Variants in SLC9A2 observed in about 807,000 individuals in gnomAD.
SLC9A2 encodes solute carrier family 9 member A2.
In SLC9A2, 42 loss-of-function variants were observed where a neutral mutation model predicts 71.7. The ratio of observed to expected loss-of-function variants is 0.59; its 90% CI spans 0.46 to 0.76. The LOEUF is 0.76. SLC9A2 is among the 30% of genes least tolerant of loss of function. The pLI, the probability that SLC9A2 is intolerant of heterozygous loss-of-function variation, is 0.00. For synonymous variants in SLC9A2, 396 were observed against 392.5 expected, an observed-to-expected ratio of 1.01 and a Z score of -0.10; for missense variants, 829 against 1,017.4, an observed-to-expected ratio of 0.81 and a Z score of 2.52.
At chr2:102,685,299 G>A (rs575884050) in intron 5 of SLC9A2, among the ~76,000 whole-genome samples, 28 of 152,284 alleles carry the variant, frequency 1.8e-4, no homozygotes, top group African/African-American at 4.1e-4. Flanking sequence ...AGAATGAGGC[G>A]AAGCAGGGTC....
chr2:102,682,812 AT>A (rs1158054103), intron 3 of SLC9A2, among the ~76,000 whole-genome samples: 1 of 152,226 alleles, frequency 6.6e-6, no homozygotes, highest in Non-Finnish European at 1.5e-5. Context: ...GAGAAGTCTA[AT>A]GCAAGCCCAT....
In SLC9A2 at chr2:102,684,977, C is replaced by T. The variant is rs544891904; in HGVS notation, c.1425+641C>T. ...TTACATTTCAGAGGGGTTGGTAGCA[C>T]TAAACAAGAAACACAAGTAAATCAT... On this transcript the variant is annotated intron_variant, in intron 5 of 11. Coordinates refer to ENST00000233969, the MANE Select transcript of SLC9A2 (RefSeq NM_003048.6). Among the ~76,000 whole-genome samples the T allele has an allele frequency of 2.0e-5, 3 of 152,110 alleles. No homozygotes were observed. In the South Asian group the frequency reaches 6.2e-4, roughly 32 times the overall value.
chr2:102,685,127 C>T (rs759834305), intron 5 of SLC9A2, among the ~76,000 whole-genome samples: 10 of 152,102 alleles, frequency 6.6e-5, no homozygotes, highest in Admixed American at 6.5e-4. Context: ...AAGGGAACAG[C>T]GAGAAAAATG....
chr2:102,675,100 C>T (rs926812538), intron 3 of SLC9A2, among the ~76,000 whole-genome samples: 3 of 152,130 alleles, frequency 2.0e-5, no homozygotes, highest in Admixed American at 1.3e-4. Flanking sequence ...AAGAAGGCAG[C>T]GAACTTAAAC....
intron 3 of SLC9A2, among the ~76,000 whole-genome samples, chr2:102,679,264 T>G (rs2104536319): frequency 6.6e-6 from 1 of 152,322 alleles, no homozygotes; most frequent in East Asian, 1.9e-4. Context: ...GGTGTCTGGC[T>G]ACTGTAAGCA....
chr2:102,659,998 C>T (rs1427591265), intron 2 of SLC9A2, among the ~76,000 whole-genome samples: 1 of 152,194 alleles, frequency 6.6e-6, no homozygotes, highest in Admixed American at 6.5e-5. Context: ...GGCCTCCACA[C>T]TGCTTTCCCA....
chr2:102,708,629 G>A lies in SLC9A2; in HGVS notation c.*140G>A. ...CTGGAGGGCGACAGATTCATGCCAC[G>A]GATAAATGAGGCAAATCCGAAGAAA... is the stretch of plus-strand genomic sequence containing the variant. On this transcript the variant is annotated 3_prime_UTR_variant, in exon 12 of 12. Transcript: ENST00000233969. 2 of 948,602 alleles carry A rather than the reference G, an allele frequency of 2.1e-6. No homozygotes were observed. The highest frequency in any genetic ancestry group is 3.1e-6 in the Non-Finnish European group (2 of 646,634). The allele number at this position is 948,602 out of a possible 1,614,324, so 58.8% of individuals were successfully genotyped here. A position where few individuals can be genotyped will look rare whatever the true frequency, so the allele number is the denominator to read the frequency against.
intron 3 of SLC9A2, among the ~76,000 whole-genome samples, chr2:102,666,499 T>C (rs1366496837): frequency 1.3e-5 from 2 of 152,088 alleles, no homozygotes; most frequent in Non-Finnish European, 2.9e-5. Flanking sequence ...GCCCAGCCGG[T>C]TTAGCTTTTT....
At chr2:102,628,082 A>G (rs916369625) in intron 1 of SLC9A2, among the ~76,000 whole-genome samples, 7 of 152,134 alleles carry the variant, frequency 4.6e-5, no homozygotes, top group African/African-American at 1.7e-4. Flanking sequence ...TGTTTTCATT[A>G]AATTCAAATC....
intron 1 of SLC9A2, among the ~76,000 whole-genome samples, chr2:102,629,049 C>T (rs1676308390): frequency 6.6e-6 from 1 of 152,096 alleles, no homozygotes; most frequent in Admixed American, 6.6e-5. Context: ...CATATGCAGA[C>T]ACATAGAGAC....
At chr2:102,650,424 T>C (rs1676809880) in intron 1 of SLC9A2, among the ~76,000 whole-genome samples, 1 of 152,182 alleles carries the variant, frequency 6.6e-6, no homozygotes, top group South Asian at 2.1e-4. Context: ...CAAACCACAA[T>C]GGTACATGTA....
At chr2:102,666,340 C>A (rs6712816) in intron 3 of SLC9A2, among the ~76,000 whole-genome samples, 1 of 151,782 alleles carries the variant, frequency 6.6e-6, no homozygotes, top group Admixed American at 6.6e-5. Flanking sequence ...GGACTGCAGG[C>A]GCCCGCCACC....
chr2:102,702,287 C>T (rs936455522), intron 8 of SLC9A2, 119 bp from the exon 9 acceptor site: 12 of 600,492 alleles, frequency 2.0e-5, no homozygotes, highest in African/African-American at 2.0e-4. Flanking sequence ...ATTGAATAAT[C>T]CCTAAGTGCT....
chr2:102,630,744 T>C (rs1676340374), intron 1 of SLC9A2, among the ~76,000 whole-genome samples: 1 of 152,008 alleles, frequency 6.6e-6, no homozygotes, highest in Admixed American at 6.6e-5. Context: ...TCATTTAAGC[T>C]GTTTGGGCCC....
chr2:102,707,292 C>T (rs1344094178), intron 11 of SLC9A2, among the ~76,000 whole-genome samples: 3 of 107,160 alleles, frequency 2.8e-5, no homozygotes, highest in African/African-American at 3.4e-5. Flanking sequence ...AATCATTACC[C>T]CTCTTTTTTT....
intron 3 of SLC9A2, among the ~76,000 whole-genome samples, chr2:102,670,849 C>CTTTTTTTTTTTTTTTTTTTTTTT (rs10687841): frequency 1.3e-5 from 1 of 75,892 alleles, no homozygotes; most frequent in Non-Finnish European, 2.4e-5. Flanking sequence ...GGAAGGCATG[C>CTTTTTTTTTTTTTTTTTTTTTTT]TTTTTTTTTT....
At chr2:102,652,080 T>C (rs993313912) in intron 1 of SLC9A2, among the ~76,000 whole-genome samples, 1 of 152,208 alleles carries the variant, frequency 6.6e-6, no homozygotes, top group Admixed American at 6.5e-5. Context: ...GTTGGGCTGT[T>C]CCTAAATGTT....
intron 3 of SLC9A2, among the ~76,000 whole-genome samples, chr2:102,679,753 G>A (rs914475162): frequency 6.6e-6 from 1 of 152,124 alleles, no homozygotes. Context: ...ATTACTTTTT[G>A]CCTGTATGGT....
chr2:102,689,345 CA>C (rs1642210953), intron 5 of SLC9A2, among the ~76,000 whole-genome samples: 1 of 152,128 alleles, frequency 6.6e-6, no homozygotes, highest in African/African-American at 2.4e-5. Flanking sequence ...AGAAATGCTC[CA>C]GGTAAAAAAG....
Sources: gnomAD v4.1 joint callset for allele counts (sites outside exome capture counted in the v4.1 genomes callset) on GRCh38, gnomAD v4.1.1 for gene constraint, MANE v1.5 for transcripts, NCBI Gene and HGNC (gene_info 2026-07-23, HGNC 2026-07-21) for gene names.